The following SLC30A8 variants were observed in gnomAD, a reference collection of about 807,000 sequenced individuals.
SLC30A8 encodes the protein proton-coupled zinc antiporter SLC30A8.
Under a neutral mutation model 36.9 loss-of-function variants are expected in SLC30A8, and 27 were observed. The observed-to-expected ratio is 0.73, with a 90% confidence interval of 0.54 to 1.01. The LOEUF (loss-of-function observed/expected upper bound fraction) is 1.01. Among genes scored for constraint, SLC30A8 ranks in the 50% least tolerant of loss-of-function variants. The pLI is 0.00. For missense variants in SLC30A8, 439 were observed against 452.0 expected (o/e 0.97, Z 0.26); for synonymous variants, 164 against 172.4 (o/e 0.95, Z 0.38).
intron 1 of SLC30A8, among the ~76,000 whole-genome samples, chr8:116,974,148 A>G (rs1287857327): frequency 6.6e-6 from 1 of 152,226 alleles, no homozygotes; most frequent in Non-Finnish European, 1.5e-5. Context: ...TCATGACTAA[A>G]ACACCAAAAA....
intron 2 of SLC30A8, among the ~76,000 whole-genome samples, chr8:117,083,031 A>C (rs1189191020): frequency 6.6e-6 from 1 of 152,220 alleles, no homozygotes; most frequent in African/African-American, 2.4e-5. Flanking sequence ...TGTAGAAACG[A>C]GTAGCTCCGG....
intron 2 of SLC30A8, among the ~76,000 whole-genome samples, chr8:117,099,199 CTT>C (rs1350330878): frequency 6.6e-6 from 1 of 152,150 alleles, no homozygotes; most frequent in East Asian, 1.9e-4. Flanking sequence ...TGTGAACAGT[CTT>C]GGTTCTGTCC....
rs144944952 is a variant in SLC30A8 at position 117,172,507 on chromosome 8, C to T, written c.965-29C>T. The T allele has an allele frequency of 4.6e-5, 74 of 1,613,398 alleles. No homozygotes were observed. In the East Asian group the frequency reaches 1.6e-3, roughly 35 times the overall value. ...GTCGCCCATGCGTGTGCAATCAGTGCTAATCTCCCTGTGCTTCTTTATCAA... is the reference window on the plus strand; with the variant it reads ...GTCGCCCATGCGTGTGCAATCAGTGTTAATCTCCCTGTGCTTCTTTATCAA... On this transcript the variant is annotated intron_variant, in intron 7 of 7. Coordinates refer to ENST00000456015, the MANE Select transcript of SLC30A8 (RefSeq NM_173851.3).
At chr8:116,962,376 T>G (rs1264900415) in intron 1 of SLC30A8, among the ~76,000 whole-genome samples, 1 of 152,036 alleles carries the variant, frequency 6.6e-6, no homozygotes, top group Non-Finnish European at 1.5e-5. Context: ...AAAAAATGAT[T>G]ATGTTAATGC....
chr8:117,148,148 A>T (rs1376939873), intron 2 of SLC30A8, among the ~76,000 whole-genome samples: 1 of 151,900 alleles, frequency 6.6e-6, no homozygotes, highest in African/African-American at 2.4e-5. Context: ...TTTTGAGCTC[A>T]TTTCTTTTAC....
chr8:116,977,883 G>T (rs1207737439), intron 1 of SLC30A8, among the ~76,000 whole-genome samples: 1 of 152,142 alleles, frequency 6.6e-6, no homozygotes, highest in Non-Finnish European at 1.5e-5. Flanking sequence ...GCTCAGCTTA[G>T]TTTTCTCAGC....
intron 1 of SLC30A8, among the ~76,000 whole-genome samples, chr8:117,002,044 G>T (rs1816027958): frequency 6.6e-6 from 1 of 152,076 alleles, no homozygotes; most frequent in South Asian, 2.1e-4. Context: ...TTCAAAACTA[G>T]GGCTCAGACC....
chr8:117,160,449 G>A lies in SLC30A8; in HGVS notation c.573-1289G>A, dbSNP rs531449134. On this transcript the variant is annotated intron_variant, in intron 4 of 7. Transcript: ENST00000456015. The stretch of plus-strand genomic sequence containing the variant: ...TGTGTGTGTGTGCGCGCACATGTGC[G>A]CGCGGTGGGGGAGTGGGGTGTTTAA... Among the ~76,000 whole-genome samples the A allele has an allele frequency of 1.7e-3, 263 of 151,254 alleles. 3 individuals are homozygous for A. The highest frequency in any genetic ancestry group is 4.9e-3 in the African/African-American group (202 of 41,222).
intron 1 of SLC30A8, among the ~76,000 whole-genome samples, chr8:116,957,385 C>G (rs553328808): frequency 5.7e-4 from 87 of 152,138 alleles, no homozygotes; most frequent in African/African-American, 2.0e-3. Flanking sequence ...CTTTTTCTGT[C>G]TCAGCCTCTC....
chr8:117,037,909 A>G (rs1427610641), intron 1 of SLC30A8, among the ~76,000 whole-genome samples: 1 of 152,224 alleles, frequency 6.6e-6, no homozygotes, highest in Non-Finnish European at 1.5e-5. Context: ...AGTGGATTAA[A>G]TAGAATAAAA....
Position 117,153,012 on chromosome 8 carries a change from T to G in SLC30A8, c.340T>G (p.Phe114Val). The G allele has an allele frequency of 6.2e-7, 1 of 1,613,686 alleles. No individual in the cohort carries two copies. Among genetic ancestry groups the G allele is most frequent in the Non-Finnish European group, 8.5e-7 (1 of 1,179,678 alleles). The stretch of plus-strand genomic sequence containing the variant: ...CCACCTCTTAATTGACCTGACCAGT[T>G]TCCTGCTCAGTCTCTTCTCCCTGTG... ...AAHLLIDLTSFLLSLFSLWLS... is the reference protein window; with the variant it reads ...AAHLLIDLTSVLLSLFSLWLS... The change falls in exon 3 of 8, where the codon TTC becomes GTC. Residue 114 changes from phenylalanine (F) to valine (V), a missense_variant. Transcript: ENST00000456015.
At chr8:117,106,086 C>T (rs905253073) in intron 2 of SLC30A8, among the ~76,000 whole-genome samples, 1 of 152,160 alleles carries the variant, frequency 6.6e-6, no homozygotes, top group African/African-American at 2.4e-5. Flanking sequence ...CTTATTCATT[C>T]CACAAACATT....
chr8:116,995,656 ATTTGAAC>A (rs1815789509), intron 1 of SLC30A8, among the ~76,000 whole-genome samples: 1 of 152,098 alleles, frequency 6.6e-6, no homozygotes, highest in Admixed American at 6.5e-5. Flanking sequence ...GAGGGGAGTC[ATTTGAAC>A]AACACTGTGC....
intron 1 of SLC30A8, among the ~76,000 whole-genome samples, chr8:117,139,911 T>C (rs1368838822): frequency 1.3e-5 from 2 of 150,714 alleles, no homozygotes; most frequent in African/African-American, 4.9e-5. Flanking sequence ...ATTTAGAATT[T>C]GAATATTTCA....
chr8:117,051,571 T>G (rs1817708382), intron 2 of SLC30A8, among the ~76,000 whole-genome samples: 1 of 152,152 alleles, frequency 6.6e-6, no homozygotes, highest in Non-Finnish European at 1.5e-5. Context: ...CCCAGCACTT[T>G]GGGAGGCTGA....
chr8:117,063,894 C>T (rs1387181094), intron 2 of SLC30A8, among the ~76,000 whole-genome samples: 2 of 152,218 alleles, frequency 1.3e-5, no homozygotes, highest in South Asian at 2.1e-4. Context: ...CTAAAGGAAG[C>T]GGCTGTTTTG....
chr8:117,172,426 C>A, intron 7 of SLC30A8, 110 bp from the exon 8 acceptor site: 1 of 1,445,914 alleles, frequency 6.9e-7, no homozygotes, highest in Non-Finnish European at 9.7e-7. Context: ...GAGTGCCCTG[C>A]CTCTGCCCCA....
At chr8:117,037,822 G>A (rs1817263205) in intron 1 of SLC30A8, among the ~76,000 whole-genome samples, 1 of 152,190 alleles carries the variant, frequency 6.6e-6, no homozygotes, top group Admixed American at 6.5e-5. Context: ...TTCCGCAGAT[G>A]CATTCTGTGG....
intron 1 of SLC30A8, among the ~76,000 whole-genome samples, chr8:117,138,931 G>A (rs987604228): frequency 1.3e-5 from 2 of 151,998 alleles, no homozygotes; most frequent in African/African-American, 2.4e-5. Flanking sequence ...TGATACATAA[G>A]CTGGAATTTT....
Sources: allele counts gnomAD v4.1 joint callset (sites outside exome capture counted in the v4.1 genomes callset), GRCh38; gene constraint gnomAD v4.1.1; transcripts MANE v1.5; gene names NCBI Gene and HGNC (gene_info 2026-07-23, HGNC 2026-07-21).